The following SLC25A32 variants were observed in gnomAD, a reference collection of about 807,000 sequenced individuals.
SLC25A32 encodes the protein solute carrier family 25 member 32.
SLC25A32 carries 32 observed loss-of-function variants against 39.0 expected under a neutral mutation model. That is an observed-to-expected ratio of 0.82 (90% confidence interval 0.62 to 1.10). SLC25A32 has a LOEUF of 1.10. SLC25A32 is among the 50% of genes least tolerant of loss of function. SLC25A32 has a pLI of 0.00. For synonymous variants in SLC25A32, 166 were observed against 152.4 expected, an observed-to-expected ratio of 1.09 and a Z score of -0.66; for missense variants, 367 against 395.3, an observed-to-expected ratio of 0.93 and a Z score of 0.61.
chr8:103,406,065 G>GTA (rs1554628989), intron 2 of SLC25A32, among the ~76,000 whole-genome samples: 11,549 of 144,058 alleles, frequency 0.08, 608 homozygotes, highest in African/African-American at 0.15. Flanking sequence ...GTGTGTGTGT[G>GTA]TATATATATA....
chr8:103,400,653 T>C, intron 6 of SLC25A32, 107 bp from the exon 7 acceptor site: 1 of 1,158,784 alleles, frequency 8.6e-7, no homozygotes, highest in East Asian at 2.3e-5. Flanking sequence ...CAAACCTTAC[T>C]CTGATTTAAG....
In SLC25A32 at chr8:103,415,014, A is replaced by C; in HGVS notation, c.-77T>G. 1 of 1,589,850 alleles carries C rather than the reference A, an allele frequency of 6.3e-7. No individual in the cohort carries two copies. Among genetic ancestry groups the C allele is most frequent in the Non-Finnish European group, 8.6e-7 (1 of 1,167,988 alleles). On this transcript the variant is annotated 5_prime_UTR_variant, in exon 1 of 7. Transcript: ENST00000297578. Reference sequence around the variant, plus strand: ...CGATGCAGTGGCCGCCACCGTGGCGACGGTCGCCCCTTGTGAGCGCAACCC... The same window carrying C: ...CGATGCAGTGGCCGCCACCGTGGCGCCGGTCGCCCCTTGTGAGCGCAACCC...
chr8:103,413,519 C>T (rs1486157750), intron 1 of SLC25A32, among the ~76,000 whole-genome samples: 3 of 152,156 alleles, frequency 2.0e-5, no homozygotes, highest in Non-Finnish European at 2.9e-5. Flanking sequence ...ATCATAAACT[C>T]ACAGGATTGT....
intron 1 of SLC25A32, among the ~76,000 whole-genome samples, chr8:103,410,145 T>C (rs1215600527): frequency 6.6e-6 from 1 of 152,162 alleles, no homozygotes. Flanking sequence ...AAACCAACCA[T>C]AAAAACACTA....
At position 103,399,949 on chromosome 8, in the gene SLC25A32, G is replaced by C. The variant is rs1586108860; in HGVS notation, c.*462C>G. The C allele has an allele frequency of 6.5e-6, 1 of 154,596 alleles. No individual in the cohort carries two copies. Among genetic ancestry groups the C allele is most frequent in the East Asian group, 1.9e-4 (1 of 5,262 alleles). The allele number at this position is 154,596 out of a possible 1,614,324, so 9.6% of individuals were successfully genotyped here. On this transcript the variant is annotated 3_prime_UTR_variant, in exon 7 of 7. Coordinates refer to ENST00000297578, the MANE Select transcript of SLC25A32 (RefSeq NM_030780.5). ...AAATAAAATAAAATGGTCTGGATTT[G>C]GTCAACACCTTATTCAGTAAATCCT... is the stretch of plus-strand genomic sequence containing the variant.
At position 103,412,415 on chromosome 8, in the gene SLC25A32, A is replaced by C. The variant is rs189788062; in HGVS notation, c.154+2369T>G. ...CTCTCATCATTCTTGAGGGTTTAAA[A>C]TTACAGAGTAAAGTTAGAAGGGGCC... is the stretch of plus-strand genomic sequence containing the variant. On this transcript the variant is annotated intron_variant, in intron 1 of 6. Coordinates refer to ENST00000297578, the MANE Select transcript of SLC25A32 (RefSeq NM_030780.5). Among the ~76,000 whole-genome samples the C allele has an allele frequency of 3.7e-3, 562 of 152,350 alleles. 2 individuals are homozygous for C. The highest frequency in any genetic ancestry group is 0.013 in the African/African-American group (539 of 41,584).
At chr8:103,401,435 A>G in intron 6 of SLC25A32, 81 bp downstream of exon 6, 1 of 1,344,914 alleles carries the variant, frequency 7.4e-7, no homozygotes, top group Non-Finnish European at 1.0e-6. Context: ...GGCCTTTGCT[A>G]TAAAACTAGT....
intron 1 of SLC25A32, among the ~76,000 whole-genome samples, chr8:103,411,502 G>A (rs191138441): frequency 1.3e-5 from 2 of 151,736 alleles, no homozygotes; most frequent in Non-Finnish European, 2.9e-5. Flanking sequence ...CTCTAATTAA[G>A]AACCTTCAAA....
At chr8:103,405,233 G>A (rs1217088624) in intron 2 of SLC25A32, among the ~76,000 whole-genome samples, 1 of 152,104 alleles carries the variant, frequency 6.6e-6, no homozygotes, top group African/African-American at 2.4e-5. Context: ...CCTACGTTCA[G>A]GTACTATAGT....
At chr8:103,411,593 A>C (rs963882409) in intron 1 of SLC25A32, among the ~76,000 whole-genome samples, 1 of 152,204 alleles carries the variant, frequency 6.6e-6, no homozygotes, top group South Asian at 2.1e-4. Flanking sequence ...GGCTCATTTA[A>C]CACCACATTT....
intron 1 of SLC25A32, 101 bp from the exon 2 acceptor site, chr8:103,407,885 C>T: frequency 1.1e-6 from 1 of 885,990 alleles, no homozygotes; most frequent in East Asian, 3.2e-5. Context: ...AGGAGATAAA[C>T]TTAGAAGAAA....
In SLC25A32 at chr8:103,398,974, C is replaced by T. The variant is rs1034647695; in HGVS notation, c.*1437G>A. On this transcript the variant is annotated 3_prime_UTR_variant, in exon 7 of 7. Transcript: ENST00000297578. ...AACTATTTAAAGATGGCTTTGAAAA[C>T]AACACTTTTATTTACAACAAATAGA... 1.3e-5 allele frequency: 2 copies of T among 152,010 alleles called. No homozygotes were observed. The highest frequency in any genetic ancestry group is 4.8e-5 in the African/African-American group (2 of 41,400). The allele number at this position is 152,010 out of a possible 1,614,324, so 9.4% of individuals were successfully genotyped here.
Position 103,414,812 on chromosome 8 carries a change from C to G in SLC25A32, c.126G>C (p.Pro42=). Residue 42 remains proline, a synonymous_variant, in exon 1 of 7, where the codon CCG becomes CCC. Transcript: ENST00000297578. ...GGVLSNLALH[P]LDLVKIRFAV... Reference sequence around the variant, plus strand: ...CGAAGCGGATCTTCACGAGGTCGAGCGGATGCAGCGCAAGGTTGGATAAGA... The same window carrying G: ...CGAAGCGGATCTTCACGAGGTCGAGGGGATGCAGCGCAAGGTTGGATAAGA... 2 of 1,613,780 alleles carry G rather than the reference C, an allele frequency of 1.2e-6. No homozygotes were observed. Among genetic ancestry groups the G allele is most frequent in the Non-Finnish European group, 1.7e-6 (2 of 1,180,038 alleles).
In SLC25A32 at chr8:103,405,568, T is replaced by A. The variant is rs545846491; in HGVS notation, c.306-707A>T. Among the ~76,000 whole-genome samples, 8 of 152,340 alleles carry A rather than the reference T, an allele frequency of 5.3e-5. 1 individual carries two copies. In the East Asian group the frequency reaches 1.5e-3, roughly 29 times the overall value. ...TATTTGGTAGAAAATATCCATTAAA[T>A]GTTTCAGAGTAAGGGAGTCAAATCA... On this transcript the variant is annotated intron_variant, in intron 2 of 6. Coordinates refer to ENST00000297578, the MANE Select transcript of SLC25A32 (RefSeq NM_030780.5).
At chr8:103,409,968 T>C (rs1377811853) in intron 1 of SLC25A32, among the ~76,000 whole-genome samples, 2 of 152,188 alleles carry the variant, frequency 1.3e-5, no homozygotes, top group African/African-American at 2.4e-5. Context: ...GGCAGCAGAA[T>C]GACAGGCTCT....
intron 1 of SLC25A32, among the ~76,000 whole-genome samples, chr8:103,410,574 G>A (rs1248540769): frequency 3.3e-5 from 5 of 152,026 alleles, no homozygotes; most frequent in Non-Finnish European, 7.4e-5. Context: ...CTCCACCCCC[G>A]TTCATGGAAA....
intron 4 of SLC25A32, 31 bp downstream of exon 4, chr8:103,403,133 A>T (rs1316564932): frequency 6.8e-7 from 1 of 1,468,756 alleles, no homozygotes; most frequent in East Asian, 2.5e-5. Flanking sequence ...CAAATTTTTC[A>T]GTTATTTAAA....
chr8:103,404,456 G>A lies in SLC25A32; in HGVS notation c.391+320C>T, dbSNP rs916394918. 2.0e-5 allele frequency among the ~76,000 whole-genome samples: 3 copies of A among 152,118 alleles called. No individual in the cohort carries two copies. In the South Asian group the frequency reaches 6.2e-4, roughly 32 times the overall value. On this transcript the variant is annotated intron_variant, in intron 3 of 6. Transcript: ENST00000297578. ...TAAAAATACAAAAAATTAGCTGGGC[G>A]TGGTGGCACGTGTCTGTAGTCCCAG...
At chr8:103,403,642 G>A (rs1207628773) in intron 3 of SLC25A32, among the ~76,000 whole-genome samples, 3 of 152,262 alleles carry the variant, frequency 2.0e-5, no homozygotes, top group South Asian at 2.1e-4. Flanking sequence ...ACGTGGCCTG[G>A]TGCAGAGAAC....
Sources: allele counts gnomAD v4.1 joint callset (sites outside exome capture counted in the v4.1 genomes callset), GRCh38; gene constraint gnomAD v4.1.1; transcripts MANE v1.5; gene names NCBI Gene and HGNC (gene_info 2026-07-23, HGNC 2026-07-21).